GPC6: variants seen among roughly 807,000 people sequenced by gnomAD.
GPC6 encodes glypican 6, also known as glypican-6.
A neutral mutation model predicts 55.2 loss-of-function variants in GPC6; 14 were observed. That is an observed-to-expected ratio of 0.25 (90% CI 0.17 to 0.40). GPC6 has a LOEUF of 0.40. Ranked by LOEUF, GPC6 falls within the 10% of genes least tolerant of loss-of-function variation. The pLI, the probability that GPC6 is intolerant of heterozygous loss-of-function variation, is 1.00. For missense variants in GPC6, 641 were observed against 708.5 expected, an observed-to-expected ratio of 0.90 and a Z score of 1.08; for synonymous variants, 278 against 259.6, an observed-to-expected ratio of 1.07 and a Z score of -0.68.
At chr13:93,295,177 A>C (rs1240098659) in intron 1 of GPC6, among the ~76,000 whole-genome samples, 3 of 148,910 alleles carry the variant, frequency 2.0e-5, no homozygotes, top group Admixed American at 6.7e-5. Flanking sequence ...CTGTAGTCCC[A>C]GTAGTCAGGA....
At chr13:94,393,999 T>G (rs1880786753) in intron 7 of GPC6, among the ~76,000 whole-genome samples, 1 of 152,076 alleles carries the variant, frequency 6.6e-6, no homozygotes, top group Non-Finnish European at 1.5e-5. Flanking sequence ...CTGTTTAATA[T>G]CTCTCAGATG....
chr13:93,456,688 A>G (rs1878465081), intron 1 of GPC6, among the ~76,000 whole-genome samples: 2 of 152,102 alleles, frequency 1.3e-5, no homozygotes, highest in African/African-American at 4.8e-5. Flanking sequence ...TAATATATGG[A>G]AAAGAATAGA....
At chr13:93,498,153 T>A (rs529395050) in intron 1 of GPC6, among the ~76,000 whole-genome samples, 3 of 152,296 alleles carry the variant, frequency 2.0e-5, no homozygotes, top group African/African-American at 7.2e-5. Flanking sequence ...TTGTTTCTCC[T>A]GTTCTTTCTG....
chr13:93,246,117 T>C (rs1483203149), intron 1 of GPC6, among the ~76,000 whole-genome samples: 1 of 152,234 alleles, frequency 6.6e-6, no homozygotes, highest in African/African-American at 2.4e-5. Flanking sequence ...CTGTTTTTCC[T>C]ATCCTAGCCT....
intron 1 of GPC6, among the ~76,000 whole-genome samples, chr13:93,390,269 T>G (rs926666005): frequency 6.6e-6 from 1 of 152,106 alleles, no homozygotes; most frequent in East Asian, 1.9e-4. Flanking sequence ...TTCTGGGAAC[T>G]TCAATGGAGA....
At chr13:93,605,489 CCAAT>C (rs763103489) in intron 2 of GPC6, among the ~76,000 whole-genome samples, 1 of 152,122 alleles carries the variant, frequency 6.6e-6, no homozygotes, top group South Asian at 2.1e-4. Flanking sequence ...TCATTTTCAA[CCAAT>C]CAGAGACAAA....
chr13:94,402,378 C>A (rs1037978406), intron 8 of GPC6, among the ~76,000 whole-genome samples: 1 of 152,178 alleles, frequency 6.6e-6, no homozygotes, highest in African/African-American at 2.4e-5. Context: ...TGTGGCCTCC[C>A]CTTGAGTCTG....
chr13:93,958,850 C>G (rs1338345531), intron 3 of GPC6, among the ~76,000 whole-genome samples: 2 of 152,070 alleles, frequency 1.3e-5, no homozygotes, highest in Non-Finnish European at 2.9e-5. Context: ...TGTGTTGTCT[C>G]AGATTTCCGT....
At chr13:94,206,562 A>G (rs1363563773) in intron 4 of GPC6, among the ~76,000 whole-genome samples, 1 of 152,166 alleles carries the variant, frequency 6.6e-6, no homozygotes, top group Non-Finnish European at 1.5e-5. Context: ...TCCTAAAAAT[A>G]GCAAATAAGA....
intron 1 of GPC6, among the ~76,000 whole-genome samples, chr13:93,349,593 A>T (rs1880558471): frequency 6.6e-6 from 1 of 152,216 alleles, no homozygotes; most frequent in African/African-American, 2.4e-5. Context: ...AAGGGAGCAT[A>T]TTTAGAAAGT....
chr13:93,763,093 A>C (rs1885004874), intron 2 of GPC6, among the ~76,000 whole-genome samples: 2 of 152,196 alleles, frequency 1.3e-5, no homozygotes, highest in African/African-American at 4.8e-5. Flanking sequence ...TCATGATAGG[A>C]TAATCAATAA....
chr13:94,090,685 CTTA>C (rs1885448467), intron 4 of GPC6, among the ~76,000 whole-genome samples: 1 of 7,152 alleles, frequency 1.4e-4, no homozygotes, highest in Non-Finnish European at 5.1e-4. Context: ...TTACTTAATA[CTTA>C]CATCAACTTC....
At chr13:93,488,368 A>G (rs978047261) in intron 1 of GPC6, among the ~76,000 whole-genome samples, 1 of 152,128 alleles carries the variant, frequency 6.6e-6, no homozygotes, top group African/African-American at 2.4e-5. Context: ...CTAGTCTATC[A>G]TTGATGGACA....
intron 2 of GPC6, among the ~76,000 whole-genome samples, chr13:93,568,160 A>G (rs1413020594): frequency 6.6e-6 from 1 of 152,106 alleles, no homozygotes; most frequent in African/African-American, 2.4e-5. Context: ...GGATTCAGAT[A>G]CTCCCTCCAA....
intron 1 of GPC6, among the ~76,000 whole-genome samples, chr13:93,323,621 T>C (rs1337722619): frequency 6.6e-6 from 1 of 152,182 alleles, no homozygotes; most frequent in Non-Finnish European, 1.5e-5. Context: ...CTGTTTTACT[T>C]ACATTATATA....
chr13:93,261,861 A>G (rs1014478330), intron 1 of GPC6, among the ~76,000 whole-genome samples: 2 of 152,100 alleles, frequency 1.3e-5, no homozygotes, highest in Non-Finnish European at 2.9e-5. Flanking sequence ...ATAAACAGAT[A>G]AATAAAGATG....
In GPC6 at chr13:94,403,191, C is replaced by T. The variant is rs374908181; in HGVS notation, c.1642C>T (p.Leu548=). The change falls in exon 9 of 9, where the codon CTG becomes TTG. Residue 548 remains leucine (L), a synonymous_variant. Transcript: ENST00000377047. ...LLSWSLTCIV[L]ALQRLCR is the part of the protein sequence containing the mutation. ...CTCCTGGTCTCTCACCTGCATTGTC[C>T]TGGCACTGCAGAGACTGTGCAGATA... 8 of 1,612,962 alleles carry T rather than the reference C, an allele frequency of 5.0e-6. No individual in the cohort carries two copies. The African/African-American group carries it at 9.3e-5, about 19-fold the overall frequency.
At chr13:94,243,726 C>T (rs1351247931) in intron 4 of GPC6, among the ~76,000 whole-genome samples, 2 of 152,078 alleles carry the variant, frequency 1.3e-5, no homozygotes, top group African/African-American at 4.8e-5. Flanking sequence ...CTGTGCTGAC[C>T]TCATTGCTTT....
At chr13:93,318,194 C>T (rs1485374472) in intron 1 of GPC6, among the ~76,000 whole-genome samples, 2 of 152,004 alleles carry the variant, frequency 1.3e-5, no homozygotes, top group Non-Finnish European at 2.9e-5. Context: ...GACTCTTCTC[C>T]CTCCGTCCAT....
Sources: allele counts gnomAD v4.1 joint callset (sites outside exome capture counted in the v4.1 genomes callset), GRCh38; gene constraint gnomAD v4.1.1; transcripts MANE v1.5; gene names NCBI Gene and HGNC (gene_info 2026-07-23, HGNC 2026-07-21).